Variants in BRWD3 observed in about 807,000 individuals in gnomAD.
The protein encoded by BRWD3 is bromodomain and WD repeat-containing protein 3.
Under a neutral mutation model 149.7 loss-of-function variants are expected in BRWD3, and 10 were observed. The observed-to-expected ratio is 0.07, with a 90% CI of 0.04 to 0.11. The LOEUF (loss-of-function observed/expected upper bound fraction) is 0.11. BRWD3 is among the 10% of genes least tolerant of loss of function. The pLI is 1.00. For synonymous variants in BRWD3, 504 were observed against 456.7 expected (o/e 1.10, Z -1.32); for missense variants, 940 against 1,373.2 (o/e 0.68, Z 4.99).
At chrX:80,737,803 C>G (rs2073425513) in intron 8 of BRWD3, among the ~76,000 whole-genome samples, 1 of 112,760 alleles carries the variant, frequency 8.9e-6, no homozygotes, top group Non-Finnish European at 1.9e-5. Flanking sequence ...CCACCGCACT[C>G]CAGCCTGGGC....
intron 22 of BRWD3, among the ~76,000 whole-genome samples, chrX:80,706,382 T>C (rs1424343639): frequency 8.9e-6 from 1 of 112,129 alleles, no homozygotes; most frequent in Non-Finnish European, 1.9e-5. Context: ...GTGCTGAGAT[T>C]ACAGAAGTGA....
At chrX:80,741,064 C>G (rs773376384) in intron 8 of BRWD3, among the ~76,000 whole-genome samples, 4 of 110,396 alleles carry the variant, frequency 3.6e-5, no homozygotes, top group Admixed American at 2.9e-4. Context: ...TCCCCCCTCC[C>G]CCACCCCACA....
chrX:80,799,429 G>A (rs752810246), intron 4 of BRWD3, among the ~76,000 whole-genome samples: 2 of 111,931 alleles, frequency 1.8e-5, no homozygotes, highest in East Asian at 5.6e-4. Context: ...CAGAGAATAC[G>A]CTATTTGTTT....
intron 6 of BRWD3, among the ~76,000 whole-genome samples, chrX:80,746,011 T>C (rs2073587836): frequency 9.0e-6 from 1 of 110,858 alleles, no homozygotes; most frequent in South Asian, 3.8e-4. Context: ...TGGTACGCTA[T>C]AGTCAAAGAG....
At chrX:80,730,046 T>G (rs748836306) in intron 12 of BRWD3, 26 bp from the exon 13 acceptor site, 1 of 1,053,396 alleles carries the variant, frequency 9.5e-7, no homozygotes, top group Non-Finnish European at 1.3e-6. Context: ...ATAACTTTAT[T>G]AATTTTCTCA....
intron 6 of BRWD3, among the ~76,000 whole-genome samples, chrX:80,790,777 T>C (rs1322030707): frequency 1.8e-5 from 2 of 112,001 alleles, no homozygotes; most frequent in African/African-American, 6.5e-5. Flanking sequence ...AAAAATACTG[T>C]ATTTTGAAAA....
At position 80,704,822 on chromosome X, in the gene BRWD3, A is replaced by G; in HGVS notation, c.2577T>C (p.Asp859=). ...AATTTATTCCAGCATCTGCTGTCCA[A>G]TCAGAATATTCACTTGATGAGTCAC... ...SSSDSSSEYS[D]WTADAGINLQ... is the part of the protein sequence containing the mutation. Residue 859 remains aspartate, a synonymous_variant, in exon 23 of 41, where the codon GAT becomes GAC. Transcript: ENST00000373275. The G allele has an allele frequency of 8.3e-7, 1 of 1,210,139 alleles. No individual in the cohort carries two copies. Among genetic ancestry groups the G allele is most frequent in the Non-Finnish European group, 1.1e-6 (1 of 894,099 alleles).
chrX:80,771,171 C>T (rs1261018657), intron 6 of BRWD3, among the ~76,000 whole-genome samples: 1 of 111,678 alleles, frequency 9.0e-6, no homozygotes, highest in East Asian at 2.8e-4. Flanking sequence ...AATGGCCCTA[C>T]TGCCCAAGGT....
chrX:80,766,955 T>C (rs755310017), intron 6 of BRWD3, among the ~76,000 whole-genome samples: 2 of 112,139 alleles, frequency 1.8e-5, no homozygotes, highest in South Asian at 7.5e-4. Flanking sequence ...CACTAGGAGA[T>C]TATAGCCCGC....
At chrX:80,745,841 G>T (rs2073585315) in intron 6 of BRWD3, 112 bp from the exon 7 acceptor site, 4 of 725,994 alleles carry the variant, frequency 5.5e-6, no homozygotes, top group African/African-American at 4.3e-5. Flanking sequence ...TAGCAATTCT[G>T]CCCTGTGAGA....
chrX:80,713,401 G>C (rs963472405), intron 20 of BRWD3, among the ~76,000 whole-genome samples: 1 of 112,012 alleles, frequency 8.9e-6, no homozygotes, highest in Non-Finnish European at 1.9e-5. Context: ...CCCCAACCCT[G>C]TGCTCTCTGA....
intron 5 of BRWD3, among the ~76,000 whole-genome samples, 193 bp downstream of exon 5, chrX:80,793,429 A>T (rs1181610486): frequency 9.0e-6 from 1 of 110,998 alleles, no homozygotes; most frequent in Non-Finnish European, 1.9e-5. Flanking sequence ...ACCTATATAT[A>T]TTCACTTTTA....
At chrX:80,735,850 G>T in intron 9 of BRWD3, 138 bp downstream of exon 9, 1 of 349,120 alleles carries the variant, frequency 2.9e-6, no homozygotes, top group Admixed American at 5.2e-5. Flanking sequence ...ACAACCTATT[G>T]AAGTAGGTAT....
At chrX:80,720,883 T>C (rs1602350050) in intron 17 of BRWD3, among the ~76,000 whole-genome samples, 1 of 112,135 alleles carries the variant, frequency 8.9e-6, no homozygotes, top group Non-Finnish European at 1.9e-5. Context: ...ATATGTACCA[T>C]TGTATGTATA....
chrX:80,673,279 G>A lies in BRWD3; in HGVS notation c.*3330C>T, dbSNP rs1194208084. On this transcript the variant is annotated 3_prime_UTR_variant, in exon 41 of 41. Coordinates refer to ENST00000373275, the MANE Select transcript of BRWD3 (RefSeq NM_153252.5). Reference sequence around the variant, plus strand: ...AACACAAGCCTGATTTCTGGGGAGGGAAAAAAAAGAAAAAAAATTAAAAAG... The same window carrying A: ...AACACAAGCCTGATTTCTGGGGAGGAAAAAAAAAGAAAAAAAATTAAAAAG... 9.3e-6 allele frequency: 1 copy of A among 107,475 alleles called. No homozygotes were observed. The highest frequency in any genetic ancestry group is 1.9e-5 in the Non-Finnish European group (1 of 51,877). The allele number at this position is 107,475 out of a possible 1,213,427, so 8.9% of individuals were successfully genotyped here.
chrX:80,676,442 G>A lies in BRWD3; in HGVS notation c.*167C>T, dbSNP rs2072367863. 1 of 607,760 alleles carries A rather than the reference G, an allele frequency of 1.6e-6. No homozygotes were observed. The highest frequency in any genetic ancestry group is 5.3e-4 in the Middle Eastern group (1 of 1,871). 50.1% of individuals were successfully genotyped at this position (607,760 alleles called of 1,213,427 possible). A position where few individuals can be genotyped will look rare whatever the true frequency, so the allele number is the denominator to read the frequency against. On this transcript the variant is annotated 3_prime_UTR_variant, in exon 41 of 41. Transcript: ENST00000373275. ...AGTAAGGCTTATTTGAACAAATGAA[G>A]TGTGGAGATCAAAAGTCTTGAAACA...
chrX:80,767,603 A>T (rs765737442), intron 6 of BRWD3, among the ~76,000 whole-genome samples: 73 of 112,037 alleles, frequency 6.5e-4, no homozygotes, highest in Middle Eastern at 4.6e-3. Context: ...ATTTGGAAAA[A>T]CCAGAGCAGA....
Position 80,809,486 on chromosome X carries a change from G to C in BRWD3, c.-15C>G. ...GCTGCCGCCATCCTTTTCCCGAGGG[G>C]GTTTGGGGGCTTCGCTCCGGAGGGG... On this transcript the variant is annotated 5_prime_UTR_variant, in exon 1 of 41. Coordinates refer to ENST00000373275, the MANE Select transcript of BRWD3 (RefSeq NM_153252.5). 3 of 1,152,085 alleles carry C rather than the reference G, an allele frequency of 2.6e-6. No individual in the cohort carries two copies. The highest frequency in any genetic ancestry group is 3.5e-6 in the Non-Finnish European group (3 of 860,785). The allele number at this position is 1,152,085 out of a possible 1,213,427, so 94.9% of individuals were successfully genotyped here.
chrX:80,798,426 T>G (rs1192849200), intron 4 of BRWD3, among the ~76,000 whole-genome samples: 1 of 111,073 alleles, frequency 9.0e-6, no homozygotes, highest in Non-Finnish European at 1.9e-5. Context: ...AAATCTATAT[T>G]GTTATATCAT....
Sources: gnomAD v4.1 joint callset for allele counts (sites outside exome capture counted in the v4.1 genomes callset) on GRCh38, gnomAD v4.1.1 for gene constraint, MANE v1.5 for transcripts, NCBI Gene and HGNC (gene_info 2026-07-23, HGNC 2026-07-21) for gene names.